The following RAB33B variants were observed in gnomAD, a reference collection of about 807,000 sequenced individuals.
The protein encoded by RAB33B is RAB33B, member RAS oncogene family, also known as ras-related protein Rab-33B.
A neutral mutation model predicts 15.0 loss-of-function variants in RAB33B; 6 were observed. The observed-to-expected ratio is 0.40, with a 90% CI of 0.22 to 0.79. The LOEUF is 0.79. Ranked by LOEUF, RAB33B falls within the 30% of genes least tolerant of loss-of-function variation. RAB33B has a pLI of 0.37. For missense variants in RAB33B, 257 were observed against 296.4 expected (o/e 0.87, Z 0.98); for synonymous variants, 117 against 108.3 (o/e 1.08, Z -0.50).
intron 1 of RAB33B, among the ~76,000 whole-genome samples, chr4:139,471,574 CG>C: frequency 7.1e-6 from 1 of 141,628 alleles, no homozygotes; most frequent in East Asian, 2.1e-4. Context: ...GGTGTCCTTG[CG>C]GGGCAGTTGG....
chr4:139,464,405 T>A lies in RAB33B; in HGVS notation c.250-8281T>A, dbSNP rs865837265. Among the ~76,000 whole-genome samples, 1,226 of 149,418 alleles carry A rather than the reference T, an allele frequency of 8.2e-3. 24 individuals carry two copies. Among genetic ancestry groups the A allele is most frequent in the African/African-American group, 0.029 (1,174 of 40,780 alleles). ...AATACTGTTTTTTTTTTTTTTTTTT[T>A]TTTTTTTATACTTTAAGTTCTAGGG... On this transcript the variant is annotated intron_variant, in intron 1 of 1. Coordinates refer to ENST00000305626, the MANE Select transcript of RAB33B (RefSeq NM_031296.3).
intron 1 of RAB33B, among the ~76,000 whole-genome samples, chr4:139,459,191 C>T (rs993952598): frequency 7.9e-5 from 12 of 151,508 alleles, no homozygotes; most frequent in Admixed American, 2.0e-4. Flanking sequence ...CCTGTAATCC[C>T]GGCACTTTGG....
chr4:139,459,543 A>C (rs1750130094), intron 1 of RAB33B, among the ~76,000 whole-genome samples: 1 of 151,604 alleles, frequency 6.6e-6, no homozygotes, highest in Admixed American at 6.6e-5. Flanking sequence ...TTGCATACAT[A>C]CCTGTCTTAC....
Position 139,473,189 on chromosome 4 carries a change from T to G in RAB33B, c.*63T>G, listed in dbSNP as rs1178346944. ...GAAATACTTTTGAAGTATGACAGTA[T>G]TAAGTCATAAGATTTAATCTCAACT... On this transcript the variant is annotated 3_prime_UTR_variant, in exon 2 of 2. Coordinates refer to ENST00000305626, the MANE Select transcript of RAB33B (RefSeq NM_031296.3). The G allele has an allele frequency of 7.2e-7, 1 of 1,381,930 alleles. No individual in the cohort carries two copies. The highest frequency in any genetic ancestry group is 2.5e-5 in the East Asian group (1 of 40,682). The allele number at this position is 1,381,930 out of a possible 1,614,324, so 85.6% of individuals were successfully genotyped here.
chr4:139,456,948 T>C (rs1245214389), intron 1 of RAB33B, among the ~76,000 whole-genome samples: 1 of 152,236 alleles, frequency 6.6e-6, no homozygotes, highest in Non-Finnish European at 1.5e-5. Context: ...AATGTTCATA[T>C]TACGTCTTTG....
chr4:139,444,785 C>G, the RAB33B span, among the ~76,000 whole-genome samples: 1 of 152,194 alleles, frequency 6.6e-6, no homozygotes, highest in African/African-American at 2.4e-5. Context: ...ATAATTGGCA[C>G]AGGCATACTT....
chr4:139,472,501 AT>A (rs1253495012), intron 1 of RAB33B, among the ~76,000 whole-genome samples, 184 bp from the exon 2 acceptor site: 1 of 152,214 alleles, frequency 6.6e-6, no homozygotes, highest in African/African-American at 2.4e-5. Context: ...TTATAATTTA[AT>A]TGTGAGGTAA....
rs1226747301 is a variant in RAB33B at position 139,473,931 on chromosome 4, A to G, written c.*805A>G. 5 of 114,736 alleles carry G rather than the reference A, an allele frequency of 4.4e-5. No homozygotes were observed. Among genetic ancestry groups the G allele is most frequent in the Non-Finnish European group, 5.0e-5 (3 of 60,416 alleles). The allele number at this position is 114,736 out of a possible 1,614,324, so 7.1% of individuals were successfully genotyped here. ...TTTTTTTTTTTTTTTTTTGAGATGGAGTCTCGCTCTGTCTCCAGGCTGGAG... is the reference window on the plus strand; with the variant it reads ...TTTTTTTTTTTTTTTTTTGAGATGGGGTCTCGCTCTGTCTCCAGGCTGGAG... On this transcript the variant is annotated 3_prime_UTR_variant, in exon 2 of 2. Coordinates refer to ENST00000305626, the MANE Select transcript of RAB33B (RefSeq NM_031296.3).
chr4:139,447,147 G>T, the RAB33B span, among the ~76,000 whole-genome samples: 2 of 152,154 alleles, frequency 1.3e-5, no homozygotes, highest in Non-Finnish European at 2.9e-5. Flanking sequence ...GTGACAGTGG[G>T]CTCATGCTCA....
At chr4:139,468,148 C>T (rs1034585779) in intron 1 of RAB33B, among the ~76,000 whole-genome samples, 3 of 152,078 alleles carry the variant, frequency 2.0e-5, no homozygotes, top group Non-Finnish European at 4.4e-5. Flanking sequence ...GGAGGCCTTA[C>T]AATCAAGGCA....
intron 1 of RAB33B, among the ~76,000 whole-genome samples, chr4:139,461,272 A>T (rs906096589): frequency 6.6e-6 from 1 of 152,150 alleles, no homozygotes; most frequent in Non-Finnish European, 1.5e-5. Context: ...AATGGAAAGC[A>T]GGGGAGGGCC....
chr4:139,475,424 C>G lies in RAB33B; in HGVS notation c.*2298C>G, dbSNP rs987650734. ...TTCTGTGAAAGGACTTATTTTTTAA[C>G]TGTAATATTTATTAGTTTTAAAATA... On this transcript the variant is annotated 3_prime_UTR_variant, in exon 2 of 2. Coordinates refer to ENST00000305626, the MANE Select transcript of RAB33B (RefSeq NM_031296.3). The G allele has an allele frequency of 5.7e-4, 86 of 151,940 alleles. No individual in the cohort carries two copies. The highest frequency in any genetic ancestry group is 2.0e-3 in the African/African-American group (85 of 41,538). The allele number at this position is 151,940 out of a possible 1,614,324, so 9.4% of individuals were successfully genotyped here.
Position 139,454,329 on chromosome 4 carries a change from G to A in RAB33B, c.134G>A (p.Gly45Asp). Residue 45 changes from glycine (G) to aspartate (D), a missense_variant, in exon 1 of 2, where the codon GGC (glycine) becomes GAC (aspartate). Gly to Asp is a moderately conservative substitution (Grantham distance 94). Transcript: ENST00000305626. ...KIIVIGDSNV[G>D]KTCLTYRFCA... is the part of the protein sequence containing the mutation. ...ATCGTGATCGGCGACTCCAATGTGGGCAAGACATGCCTGACCTACCGCTTC... is the reference window on the plus strand; with the variant it reads ...ATCGTGATCGGCGACTCCAATGTGGACAAGACATGCCTGACCTACCGCTTC... The A allele has an allele frequency of 6.2e-7, 1 of 1,614,134 alleles. No individual in the cohort carries two copies.
chr4:139,458,102 CA>C lies in RAB33B; in HGVS notation c.249+3660del, dbSNP rs1750104735. Among the ~76,000 whole-genome samples the C allele has an allele frequency of 2.6e-5, 4 of 152,176 alleles. No individual in the cohort carries two copies. In the South Asian group the frequency reaches 8.3e-4, roughly 32 times the overall value. ...ACTTCAAGATTTATCTCCCCTAACTCAAGTGCCCTTTATATTATATTCTCCA... is the reference window on the plus strand; with the variant it reads ...ACTTCAAGATTTATCTCCCCTAACTCAGTGCCCTTTATATTATATTCTCCA... On this transcript the variant is annotated intron_variant, in intron 1 of 1. Coordinates refer to ENST00000305626, the MANE Select transcript of RAB33B (RefSeq NM_031296.3).
upstream of RAB33B, chr4:139,451,363 C>CTTTTTTTTTTTT (rs901731114): frequency 3.7e-5 from 4 of 108,664 alleles, no homozygotes; most frequent in Admixed American, 9.3e-5. Flanking sequence ...ACCACACCCA[C>CTTTTTTTTTTTT]TTTTTTTTTT....
the RAB33B span, among the ~76,000 whole-genome samples, chr4:139,442,001 CATT>C: frequency 3.1e-4 from 47 of 151,932 alleles, no homozygotes; most frequent in Admixed American, 2.9e-3. Context: ...TTTTTGTTCT[CATT>C]GTGATTAATT....
chr4:139,448,801 G>T (rs922105521), upstream of RAB33B: 1 of 152,212 alleles, frequency 6.6e-6, no homozygotes, highest in African/African-American at 2.4e-5. Context: ...AGTGTTTGTA[G>T]AGTATGTGTG....
chr4:139,443,042 G>T, the RAB33B span, among the ~76,000 whole-genome samples: 149 of 151,792 alleles, frequency 9.8e-4, no homozygotes, highest in African/African-American at 2.6e-3. Flanking sequence ...ACCCAGGCTG[G>T]AGTGCAGTGG....
intron 1 of RAB33B, among the ~76,000 whole-genome samples, chr4:139,461,914 A>T (rs1390397879): frequency 6.6e-6 from 1 of 152,044 alleles, no homozygotes; most frequent in African/African-American, 2.4e-5. Flanking sequence ...AAAAAAAAAA[A>T]AATTTCATAT....
Sources: allele counts gnomAD v4.1 joint callset (sites outside exome capture counted in the v4.1 genomes callset), GRCh38; gene constraint gnomAD v4.1.1; transcripts MANE v1.5; gene names NCBI Gene and HGNC (gene_info 2026-07-23, HGNC 2026-07-21).